Variants in GLI3 observed in about 807,000 individuals in gnomAD.
GLI3 encodes the protein transcription activator GLI3.
Under a neutral mutation model 100.8 loss-of-function variants are expected in GLI3, and 20 were observed. The ratio of observed to expected loss-of-function variants is 0.20; its 90% CI spans 0.14 to 0.29. The LOEUF is 0.29. GLI3 is among the 10% of genes least tolerant of loss of function. The probability of loss-of-function intolerance (pLI) is 1.00; values close to 1 mark genes in which losing one functional copy is unlikely to be tolerated. For synonymous variants in GLI3, 938 were observed against 860.5 expected, an observed-to-expected ratio of 1.09 and a Z score of -1.58; for missense variants, 2,040 against 2,128.5, an observed-to-expected ratio of 0.96 and a Z score of 0.82.
intron 3 of GLI3, among the ~76,000 whole-genome samples, chr7:42,082,814 G>A (rs1376529710): frequency 6.6e-6 from 1 of 152,116 alleles, no homozygotes; most frequent in Non-Finnish European, 1.5e-5. Flanking sequence ...AATGGCAGGA[G>A]CCTTAACTTG....
chr7:42,238,098 C>T (rs1466417892), upstream of GLI3, among the ~76,000 whole-genome samples: 3 of 151,358 alleles, frequency 2.0e-5, no homozygotes, highest in Non-Finnish European at 4.4e-5. Context: ...CCTCCTCTTC[C>T]CCCTACTTGA....
rs764628633 is a variant in GLI3, at chr7:42,076,835, G to C, written c.390C>G (p.Ala130=). ...PHYHPPHLFP[A]FHPPVPIDAR... The stretch of plus-strand genomic sequence containing the variant: ...CATCAATTGGTACAGGAGGATGGAA[G>C]GCAGGGAAAAGATGAGGAGGGTCTG... Residue 130 remains alanine, a synonymous_variant, in exon 4 of 15, where the codon GCC becomes GCG. Coordinates refer to ENST00000395925, the MANE Select transcript of GLI3 (RefSeq NM_000168.6). The C allele has an allele frequency of 1.2e-5, 19 of 1,611,932 alleles. No homozygotes were observed. Among genetic ancestry groups the C allele is most frequent in the African/African-American group, 5.3e-5 (4 of 74,888 alleles).
intron 10 of GLI3, among the ~76,000 whole-genome samples, chr7:41,995,047 C>A (rs1788086270): frequency 6.6e-6 from 1 of 152,182 alleles, no homozygotes; most frequent in African/African-American, 2.4e-5. Context: ...AACTGAAACT[C>A]AATGTTCGGC....
chr7:42,093,611 AT>A (rs1785274679), intron 3 of GLI3, among the ~76,000 whole-genome samples: 1 of 152,182 alleles, frequency 6.6e-6, no homozygotes, highest in South Asian at 2.1e-4. Context: ...GCTCTTAAGA[AT>A]TTGGTAAACC....
chr7:42,220,142 G>C (rs112049496), intron 2 of GLI3, among the ~76,000 whole-genome samples: 4 of 151,934 alleles, frequency 2.6e-5, no homozygotes, highest in African/African-American at 9.7e-5. Context: ...GTGAGCCACC[G>C]GGCCTGGCCG....
intron 1 of GLI3, among the ~76,000 whole-genome samples, chr7:42,229,289 A>G (rs1189252242): frequency 1.3e-5 from 2 of 152,206 alleles, no homozygotes; most frequent in Non-Finnish European, 2.9e-5. Context: ...CAACTAAGTT[A>G]AAAGCCTATT....
chr7:41,967,004 T>C (rs547935164), intron 14 of GLI3, among the ~76,000 whole-genome samples: 1 of 152,312 alleles, frequency 6.6e-6, no homozygotes, highest in Non-Finnish European at 1.5e-5. Flanking sequence ...AATCTTGTGA[T>C]GGTACACAAC....
At chr7:42,086,829 C>T (rs1382449066) in intron 3 of GLI3, among the ~76,000 whole-genome samples, 5 of 152,204 alleles carry the variant, frequency 3.3e-5, no homozygotes, top group Non-Finnish European at 7.3e-5. Flanking sequence ...TCCCCACTGC[C>T]TTGCCCTCTG....
At chr7:42,223,372 T>A (rs1475262320) in intron 1 of GLI3, 77 bp from the exon 2 acceptor site, 3 of 811,080 alleles carry the variant, frequency 3.7e-6, no homozygotes, top group Admixed American at 2.3e-5. Context: ...CCACTTCACC[T>A]GTCATCTGAG....
intron 7 of GLI3, among the ~76,000 whole-genome samples, chr7:42,030,306 C>G (rs1323373542): frequency 6.6e-6 from 1 of 152,130 alleles, no homozygotes; most frequent in Non-Finnish European, 1.5e-5. Flanking sequence ...TCTCAAGATC[C>G]TTAGCTTAAT....
At chr7:42,044,098 A>G (rs1333289967) in intron 6 of GLI3, among the ~76,000 whole-genome samples, 1 of 152,134 alleles carries the variant, frequency 6.6e-6, no homozygotes, top group African/African-American at 2.4e-5. Context: ...AAGGCTGTAG[A>G]GTTTTTACCC....
At chr7:42,148,029 ATC>A (rs1474076897) in intron 3 of GLI3, among the ~76,000 whole-genome samples, 195 bp downstream of exon 3, 2 of 152,166 alleles carry the variant, frequency 1.3e-5, no homozygotes, top group Non-Finnish European at 1.5e-5. Context: ...GTAAGAAAAC[ATC>A]TCTCTCTAAA....
Position 41,966,176 on chromosome 7 carries a change from G to C in GLI3, c.2897C>G (p.Pro966Arg). 1 of 1,602,518 alleles carries C rather than the reference G, an allele frequency of 6.2e-7. No homozygotes were observed. ...RLALLGDALE[P>R]GVALPPVHAP... The stretch of plus-strand genomic sequence containing the variant: ...ATGAACTGGAGGCAGGGCCACGCCA[G>C]GCTCGAGGGCATCCCCGAGCAGCGC... The change falls in exon 15 of 15, where the codon CCT becomes CGT. Residue 966 changes from proline to arginine, a missense_variant. Physicochemically the swap from Pro to Arg is moderately radical, Grantham distance 103 (BLOSUM62 -2). This residue lies in a region of GLI3 where 1,041 missense variants were observed against 924.0 expected (regional missense o/e 1.13). Coordinates refer to ENST00000395925, the MANE Select transcript of GLI3 (RefSeq NM_000168.6). The surrounding 1 kb of genome is among the most constrained non-coding windows in gnomAD (Gnocchi z 5.8).
chr7:42,084,137 C>A (rs2128754004), intron 3 of GLI3, among the ~76,000 whole-genome samples: 1 of 152,306 alleles, frequency 6.6e-6, no homozygotes, highest in East Asian at 1.9e-4. Flanking sequence ...AGCATGCAGA[C>A]TATTAAATTA....
intron 7 of GLI3, among the ~76,000 whole-genome samples, chr7:42,038,255 C>G (rs1345396058): frequency 6.6e-6 from 1 of 152,168 alleles, no homozygotes; most frequent in Non-Finnish European, 1.5e-5. Flanking sequence ...CGGGGCCAGA[C>G]TGGGATGGAG....
chr7:42,135,003 A>C (rs1489467393), intron 3 of GLI3, among the ~76,000 whole-genome samples: 1 of 152,130 alleles, frequency 6.6e-6, no homozygotes, highest in Non-Finnish European at 1.5e-5. Flanking sequence ...AGTGTATTTA[A>C]ATTTGCCATG....
chr7:42,046,958 C>T (rs1172874793), intron 5 of GLI3, among the ~76,000 whole-genome samples: 4 of 152,144 alleles, frequency 2.6e-5, no homozygotes, highest in Non-Finnish European at 4.4e-5. Context: ...GAGTTTGAGA[C>T]CAGCATGGGC....
At chr7:41,989,987 CAAAAAAAAAAAAA>C (rs60763223) in intron 10 of GLI3, among the ~76,000 whole-genome samples, 16 of 62,852 alleles carry the variant, frequency 2.5e-4, no homozygotes, top group African/African-American at 7.2e-4. Context: ...ACTCTGTCTC[CAAAAAAAAAAAAA>C]AAAAAAAAGG....
At chr7:42,219,086 G>A (rs977983210) in intron 2 of GLI3, among the ~76,000 whole-genome samples, 3 of 152,120 alleles carry the variant, frequency 2.0e-5, no homozygotes, top group Admixed American at 6.5e-5. Context: ...ATCAAAAAGA[G>A]ATTATTAAGG....
Sources: gnomAD v4.1 joint callset for allele counts (sites outside exome capture counted in the v4.1 genomes callset) on GRCh38, gnomAD v4.1.1 for gene constraint, gnomAD v4.1.1 regional missense constraint, Gnocchi (gnomAD v3.1) non-coding constraint, MANE v1.5 for transcripts, NCBI Gene and HGNC (gene_info 2026-07-23, HGNC 2026-07-21) for gene names.